The following LEKR1 variants were observed in gnomAD, a reference collection of about 807,000 sequenced individuals.
The protein encoded by LEKR1 is protein LEKR1.
A neutral mutation model predicts 72.4 loss-of-function variants in LEKR1; 59 were observed. That is an observed-to-expected ratio of 0.82 (90% CI 0.66 to 1.01). The LOEUF (loss-of-function observed/expected upper bound fraction) is 1.01, where lower values mean the gene tolerates loss of function less well. Among genes scored for constraint, LEKR1 ranks in the 50% least tolerant of loss-of-function variants. The pLI is 0.00. For synonymous variants in LEKR1, 257 were observed against 263.2 expected, an observed-to-expected ratio of 0.98 and a Z score of 0.23; for missense variants, 728 against 759.2, an observed-to-expected ratio of 0.96 and a Z score of 0.48.
At chr3:157,042,673 G>A (rs1372980948) in intron 12 of LEKR1, among the ~76,000 whole-genome samples, 1 of 152,064 alleles carries the variant, frequency 6.6e-6, no homozygotes, top group Admixed American at 6.6e-5. Flanking sequence ...TTAGTAAATT[G>A]ATTGAATTTA....
chr3:157,000,670 C>T (rs1731932824), intron 9 of LEKR1, among the ~76,000 whole-genome samples: 1 of 152,114 alleles, frequency 6.6e-6, no homozygotes, highest in African/African-American at 2.4e-5. Context: ...TTTTTATTCC[C>T]TGCACCGGCC....
chr3:156,856,431 T>A (rs774020435), intron 3 of LEKR1, among the ~76,000 whole-genome samples: 2 of 152,198 alleles, frequency 1.3e-5, no homozygotes, highest in Non-Finnish European at 2.9e-5. Flanking sequence ...TTTAGTATAT[T>A]TTCTTTTCTG....
At chr3:156,842,583 AC>A (rs1197500757) in intron 2 of LEKR1, among the ~76,000 whole-genome samples, 1 of 152,202 alleles carries the variant, frequency 6.6e-6, no homozygotes, top group Non-Finnish European at 1.5e-5. Flanking sequence ...ACTATGCCAC[AC>A]TGTACTATTA....
chr3:156,847,641 TC>T (rs1225311477), intron 2 of LEKR1, among the ~76,000 whole-genome samples: 10 of 152,238 alleles, frequency 6.6e-5, no homozygotes, highest in Admixed American at 2.0e-4. Context: ...TACATTTTTT[TC>T]TATAGCAGTT....
chr3:156,994,214 C>T (rs1232414803), intron 9 of LEKR1, among the ~76,000 whole-genome samples: 1 of 151,706 alleles, frequency 6.6e-6, no homozygotes, highest in Non-Finnish European at 1.5e-5. Flanking sequence ...TTTGAGTCCT[C>T]CTTTGCAAAC....
intron 9 of LEKR1, among the ~76,000 whole-genome samples, chr3:157,005,096 G>A (rs1732316394): frequency 6.6e-6 from 1 of 151,722 alleles, no homozygotes; most frequent in African/African-American, 2.4e-5. Flanking sequence ...GAAATAAGAG[G>A]GATGATACTA....
intron 6 of LEKR1, among the ~76,000 whole-genome samples, chr3:156,975,140 C>G (rs1197360901): frequency 6.6e-6 from 1 of 152,270 alleles, no homozygotes; most frequent in East Asian, 1.9e-4. Flanking sequence ...TAACAGTTAA[C>G]AGGAAGCAGA....
At chr3:156,897,946 C>CT (rs1427750467) in intron 3 of LEKR1, among the ~76,000 whole-genome samples, 2 of 144,612 alleles carry the variant, frequency 1.4e-5, no homozygotes, top group Admixed American at 7.0e-5. Flanking sequence ...AAGCAAGACT[C>CT]TGTCTCCAAA....
At chr3:156,915,599 C>T (rs1168324930) in intron 3 of LEKR1, among the ~76,000 whole-genome samples, 4 of 151,232 alleles carry the variant, frequency 2.6e-5, no homozygotes, top group African/African-American at 7.3e-5. Flanking sequence ...CACTTTTTAA[C>T]GGGGTTGTTT....
chr3:156,833,687 A>C (rs554073096), intron 2 of LEKR1, among the ~76,000 whole-genome samples: 1 of 152,266 alleles, frequency 6.6e-6, no homozygotes, highest in South Asian at 2.1e-4. Context: ...ATATTGAAAA[A>C]ATTAATGAAA....
chr3:156,968,666 A>C (rs1442847027), intron 6 of LEKR1, among the ~76,000 whole-genome samples: 3 of 152,198 alleles, frequency 2.0e-5, no homozygotes, highest in Non-Finnish European at 2.9e-5. Context: ...CCCCCACAAT[A>C]ATAATGGGAG....
At chr3:156,919,605 A>T (rs1030140402) in intron 3 of LEKR1, among the ~76,000 whole-genome samples, 1 of 152,180 alleles carries the variant, frequency 6.6e-6, no homozygotes, top group Non-Finnish European at 1.5e-5. Context: ...ATATGTGATA[A>T]AAAATGTGTT....
At chr3:156,914,499 T>C (rs1364024957) in intron 3 of LEKR1, among the ~76,000 whole-genome samples, 1 of 152,180 alleles carries the variant, frequency 6.6e-6, no homozygotes, top group Non-Finnish European at 1.5e-5. Context: ...GAACTCAACC[T>C]TTTTTATGGC....
At chr3:156,989,482 T>G (rs970605015) in intron 7 of LEKR1, among the ~76,000 whole-genome samples, 2 of 152,222 alleles carry the variant, frequency 1.3e-5, no homozygotes, top group African/African-American at 4.8e-5. Flanking sequence ...TAAATACTCA[T>G]TTCTCTGCTT....
chr3:156,930,524 A>G (rs1178234840), intron 5 of LEKR1, among the ~76,000 whole-genome samples: 1 of 152,160 alleles, frequency 6.6e-6, no homozygotes, highest in Non-Finnish European at 1.5e-5. Context: ...ATTTAAACCA[A>G]TAAATTAAGT....
At chr3:156,970,073 C>G (rs1160120008) in intron 6 of LEKR1, among the ~76,000 whole-genome samples, 1 of 152,144 alleles carries the variant, frequency 6.6e-6, no homozygotes, top group African/African-American at 2.4e-5. Context: ...AATTCAACAA[C>G]CTTCATGCTA....
intron 12 of LEKR1, among the ~76,000 whole-genome samples, chr3:157,039,684 T>A (rs1327520464): frequency 2.6e-5 from 4 of 152,196 alleles, no homozygotes; most frequent in Admixed American, 2.6e-4. Flanking sequence ...AACTCTAAGA[T>A]TAAATTTTAA....
rs143186239 is a variant in LEKR1, at chr3:156,960,973, A to G, written c.746-18221A>G. Among the ~76,000 whole-genome samples, 319 of 152,338 alleles carry G rather than the reference A, an allele frequency of 2.1e-3. 2 individuals are homozygous for G. Among genetic ancestry groups the G allele is most frequent in the African/African-American group, 7.5e-3 (312 of 41,584 alleles). On this transcript the variant is annotated intron_variant, in intron 6 of 12. Transcript: ENST00000356539. ...CCTCTCAGAGGTCATTGTGACCCACAGTCAGTCTACTTAAATGATTTTCCT... is the reference window on the plus strand; with the variant it reads ...CCTCTCAGAGGTCATTGTGACCCACGGTCAGTCTACTTAAATGATTTTCCT...
chr3:156,977,149 C>T (rs985304975), intron 6 of LEKR1, among the ~76,000 whole-genome samples: 5 of 152,182 alleles, frequency 3.3e-5, no homozygotes, highest in African/African-American at 1.2e-4. Flanking sequence ...GCATGCAGCC[C>T]TTTGGCGTGC....
Sources: allele counts gnomAD v4.1 joint callset (sites outside exome capture counted in the v4.1 genomes callset), GRCh38; gene constraint gnomAD v4.1.1; transcripts MANE v1.5; gene names NCBI Gene and HGNC (gene_info 2026-07-23, HGNC 2026-07-21).